Variants in LHFPL4 observed in about 807,000 individuals in gnomAD.
LHFPL4 encodes the protein LHFPL tetraspan subfamily member 4 protein.
In LHFPL4, 6 loss-of-function variants were observed where a neutral mutation model predicts 20.0. The observed-to-expected ratio is 0.30, with a 90% CI of 0.16 to 0.59. The LOEUF (loss-of-function observed/expected upper bound fraction) is 0.59. Ranked by LOEUF, LHFPL4 falls within the 20% of genes least tolerant of loss-of-function variation. LHFPL4 has a pLI of 0.88. For missense variants in LHFPL4, 215 were observed against 331.2 expected (o/e 0.65, Z 2.72); for synonymous variants, 129 against 143.8 (o/e 0.90, Z 0.74).
At chr3:9,538,719 G>C (rs1356247338) in intron 2 of LHFPL4, among the ~76,000 whole-genome samples, 1 of 144,508 alleles carries the variant, frequency 6.9e-6, no homozygotes, top group Non-Finnish European at 1.5e-5. Flanking sequence ...TTTTTTTTTA[G>C]ACAGAGTCTT....
intron 2 of LHFPL4, among the ~76,000 whole-genome samples, chr3:9,541,049 C>A (rs910449659): frequency 2.0e-5 from 3 of 151,954 alleles, no homozygotes; most frequent in Non-Finnish European, 4.4e-5. Context: ...AAGCGATTCT[C>A]CTGCCTCAGC....
At chr3:9,539,264 G>A (rs369085952) in intron 2 of LHFPL4, among the ~76,000 whole-genome samples, 1 of 151,790 alleles carries the variant, frequency 6.6e-6, no homozygotes, top group African/African-American at 2.4e-5. Flanking sequence ...GACCAGCCTG[G>A]TCAACATGGC....
At chr3:9,542,285 CAAAAAGAAA>C (rs2046481768) in intron 2 of LHFPL4, among the ~76,000 whole-genome samples, 1 of 151,210 alleles carries the variant, frequency 6.6e-6, no homozygotes. Context: ...GACTCTGTCT[CAAAAAGAAA>C]AAAAAGAAAT....
At chr3:9,518,925 G>A (rs867267759) in intron 2 of LHFPL4, among the ~76,000 whole-genome samples, 2 of 145,048 alleles carry the variant, frequency 1.4e-5, no homozygotes, top group Non-Finnish European at 3.0e-5. Context: ...GCTAATTTTT[G>A]TTTATTTATT....
chr3:9,534,452 A>G (rs544527348), intron 2 of LHFPL4, among the ~76,000 whole-genome samples: 2 of 152,340 alleles, frequency 1.3e-5, no homozygotes, highest in South Asian at 4.1e-4. Context: ...ATACTGCACA[A>G]TGTTCCCATT....
chr3:9,506,290 A>C lies in LHFPL4; in HGVS notation c.407-87T>G. On this transcript the variant is annotated intron_variant, in intron 2 of 3. Coordinates refer to ENST00000287585, the MANE Select transcript of LHFPL4 (RefSeq NM_198560.3). The surrounding 1 kb of genome is among the most constrained non-coding windows in gnomAD (Gnocchi z 4.5). The stretch of plus-strand genomic sequence containing the variant: ...CGCTAGTGTCCGCAGTCTGGGCCCC[A>C]CCCTATTGAGGGCACATCAACCCAA... 9.1e-7 allele frequency: 1 copy of C among 1,100,574 alleles called. No individual in the cohort carries two copies. Among genetic ancestry groups the C allele is most frequent in the Non-Finnish European group, 1.4e-6 (1 of 731,872 alleles). 68.2% of individuals were successfully genotyped at this position (1,100,574 alleles called of 1,614,324 possible).
intron 2 of LHFPL4, among the ~76,000 whole-genome samples, chr3:9,529,624 T>C (rs1174259425): frequency 6.6e-6 from 1 of 151,972 alleles, no homozygotes; most frequent in Non-Finnish European, 1.5e-5. Context: ...TTGAAAGGAA[T>C]CTTTTATTTT....
At chr3:9,508,015 CCAGGTCCA>C (rs1337477493) in intron 2 of LHFPL4, among the ~76,000 whole-genome samples, 1 of 152,234 alleles carries the variant, frequency 6.6e-6, no homozygotes, top group African/African-American at 2.4e-5. Flanking sequence ...TGAGCCTGCA[CCAGGTCCA>C]CAGGGTGCTT....
At chr3:9,511,329 C>T (rs904009128) in intron 2 of LHFPL4, among the ~76,000 whole-genome samples, 3 of 148,936 alleles carry the variant, frequency 2.0e-5, no homozygotes, top group Non-Finnish European at 3.0e-5. Context: ...CCAGCCTGGG[C>T]GACAGAGCTA....
At chr3:9,502,482 A>G (rs2046184097) in intron 3 of LHFPL4, among the ~76,000 whole-genome samples, 171 bp from the exon 4 acceptor site, 1 of 151,984 alleles carries the variant, frequency 6.6e-6, no homozygotes, top group Non-Finnish European at 1.5e-5. Context: ...CGGGTGGATC[A>G]CTTGAGGTCA....
At chr3:9,505,879 C>CCATTGTACTTA in intron 3 of LHFPL4, 88 bp downstream of exon 3, 1 of 1,262,776 alleles carries the variant, frequency 7.9e-7, no homozygotes, top group East Asian at 2.3e-5. Context: ...ATTCATGCAA[C>CCATTGTACTTA]CCTCTTACTC....
chr3:9,547,845 A>AT (rs1250445532), intron 2 of LHFPL4, among the ~76,000 whole-genome samples: 1 of 151,366 alleles, frequency 6.6e-6, no homozygotes, highest in Non-Finnish European at 1.5e-5. Context: ...TCACTCTGTC[A>AT]TCCAGGCTGG....
At chr3:9,502,460 G>A (rs1443463197) in intron 3 of LHFPL4, 149 bp from the exon 4 acceptor site, 1 of 654,990 alleles carries the variant, frequency 1.5e-6, no homozygotes, top group Non-Finnish European at 2.8e-6. Flanking sequence ...CCAGCACTTT[G>A]GGAGGCTGAG....
intron 2 of LHFPL4, among the ~76,000 whole-genome samples, chr3:9,535,950 C>A (rs1196171903): frequency 6.6e-6 from 1 of 152,140 alleles, no homozygotes; most frequent in African/African-American, 2.4e-5. Context: ...TACAGCCACG[C>A]ACCACCACGC....
At chr3:9,545,242 A>G (rs1315056340) in intron 2 of LHFPL4, among the ~76,000 whole-genome samples, 1 of 152,018 alleles carries the variant, frequency 6.6e-6, no homozygotes. Flanking sequence ...TGGGGGAGGA[A>G]GAAAGAAATG....
At chr3:9,543,105 A>G (rs1279500229) in intron 2 of LHFPL4, among the ~76,000 whole-genome samples, 1 of 152,102 alleles carries the variant, frequency 6.6e-6, no homozygotes, top group Non-Finnish European at 1.5e-5. Flanking sequence ...TCTCAATACA[A>G]CTGATACCAC....
chr3:9,553,010 G>A (rs910201385), intron 1 of LHFPL4, among the ~76,000 whole-genome samples, 163 bp from the exon 2 acceptor site: 5 of 141,326 alleles, frequency 3.5e-5, no homozygotes, highest in Non-Finnish European at 7.7e-5. Flanking sequence ...CTTGAAAGTG[G>A]CCATGGGGGA....
At chr3:9,541,924 C>A (rs972340119) in intron 2 of LHFPL4, among the ~76,000 whole-genome samples, 1 of 152,150 alleles carries the variant, frequency 6.6e-6, no homozygotes, top group African/African-American at 2.4e-5. Flanking sequence ...ACAGAGTTCT[C>A]ATTTGTCCAG....
At chr3:9,522,532 G>C (rs529950810) in intron 2 of LHFPL4, among the ~76,000 whole-genome samples, 15 of 151,216 alleles carry the variant, frequency 9.9e-5, no homozygotes, top group Non-Finnish European at 2.1e-4. Flanking sequence ...CTAAGGTCAG[G>C]AGTTCGAGAC....
Sources: allele counts gnomAD v4.1 joint callset (sites outside exome capture counted in the v4.1 genomes callset), GRCh38; gene constraint gnomAD v4.1.1; non-coding constraint Gnocchi (gnomAD v3.1); transcripts MANE v1.5; gene names NCBI Gene and HGNC (gene_info 2026-07-23, HGNC 2026-07-21).